PBX1: variants seen among roughly 807,000 people sequenced by gnomAD.
PBX1 encodes pre-B-cell leukemia transcription factor 1.
A neutral mutation model predicts 53.4 loss-of-function variants in PBX1; 6 were observed. The ratio of observed to expected loss-of-function variants is 0.11; its 90% confidence interval spans 0.06 to 0.22. PBX1 has a LOEUF of 0.22. PBX1 is among the 10% of genes least tolerant of loss of function. The pLI is 1.00. For synonymous variants in PBX1, 204 were observed against 212.3 expected (o/e 0.96, Z 0.34); for missense variants, 251 against 551.4 (o/e 0.46, Z 5.46).
At chr1:164,602,709 G>GAAAA (rs113484614) in intron 2 of PBX1, among the ~76,000 whole-genome samples, 3 of 118,254 alleles carry the variant, frequency 2.5e-5, no homozygotes, top group African/African-American at 6.3e-5. Context: ...CAAACAGATT[G>GAAAA]AAAAAAAAAA....
At chr1:164,635,272 G>T (rs553296016) in intron 2 of PBX1, among the ~76,000 whole-genome samples, 4 of 152,068 alleles carry the variant, frequency 2.6e-5, no homozygotes, top group African/African-American at 9.6e-5. Flanking sequence ...TGTGTCATTT[G>T]AATTTGCTGC....
chr1:164,779,580 G>A (rs1404609865), intron 2 of PBX1, among the ~76,000 whole-genome samples: 3 of 152,214 alleles, frequency 2.0e-5, no homozygotes, highest in African/African-American at 7.2e-5. Context: ...TGGCTTCTAA[G>A]ATGACCATAT....
chr1:164,746,394 C>T (rs976988546), intron 2 of PBX1, among the ~76,000 whole-genome samples: 11 of 152,114 alleles, frequency 7.2e-5, no homozygotes, highest in Admixed American at 3.9e-4. Flanking sequence ...TCTTCTTCTT[C>T]AAGATGGAGT....
At chr1:164,845,771 G>A (rs1006851574) in intron 8 of PBX1, among the ~76,000 whole-genome samples, 8 of 152,006 alleles carry the variant, frequency 5.3e-5, no homozygotes, top group Admixed American at 3.3e-4. Flanking sequence ...ATACCTTCCC[G>A]TCTCACCACC....
chr1:164,791,430 CAG>C (rs1668501858), intron 2 of PBX1, among the ~76,000 whole-genome samples: 1 of 152,188 alleles, frequency 6.6e-6, no homozygotes, highest in Non-Finnish European at 1.5e-5. Context: ...TCCAACAGGA[CAG>C]AGTCCTTATC....
chr1:164,685,937 TC>T (rs1403374454), intron 2 of PBX1, among the ~76,000 whole-genome samples: 2 of 152,164 alleles, frequency 1.3e-5, no homozygotes, highest in Admixed American at 6.5e-5. Context: ...AGGTGCCTGT[TC>T]CCCCGTGGTG....
chr1:164,692,344 C>T (rs1021552639), intron 2 of PBX1, among the ~76,000 whole-genome samples: 4 of 152,148 alleles, frequency 2.6e-5, no homozygotes, highest in African/African-American at 9.7e-5. Context: ...TGCTGTCACT[C>T]AGCCCATTGC....
intron 3 of PBX1, among the ~76,000 whole-genome samples, chr1:164,794,313 A>G (rs1404585843): frequency 6.6e-6 from 1 of 152,224 alleles, no homozygotes; most frequent in Admixed American, 6.5e-5. Flanking sequence ...AGAAATAGGC[A>G]TTTTAAAAAT....
chr1:164,811,013 A>G (rs1669582325), intron 5 of PBX1, among the ~76,000 whole-genome samples: 1 of 152,186 alleles, frequency 6.6e-6, no homozygotes, highest in African/African-American at 2.4e-5. Flanking sequence ...CGTCGTTGGG[A>G]GTTAAATATC....
intron 2 of PBX1, among the ~76,000 whole-genome samples, chr1:164,788,394 T>A (rs530913150): frequency 6.6e-6 from 1 of 151,996 alleles, no homozygotes; most frequent in South Asian, 2.1e-4. Context: ...GTGTTTTTTT[T>A]TTTTTTTAAC....
At chr1:164,743,876 T>C (rs1203145119) in intron 2 of PBX1, among the ~76,000 whole-genome samples, 1 of 152,178 alleles carries the variant, frequency 6.6e-6, no homozygotes, top group Non-Finnish European at 1.5e-5. Context: ...TGTACAGTTA[T>C]CCAGAACTTA....
intron 2 of PBX1, among the ~76,000 whole-genome samples, chr1:164,625,009 T>A (rs1657943372): frequency 6.6e-6 from 1 of 152,210 alleles, no homozygotes; most frequent in African/African-American, 2.4e-5. Flanking sequence ...TGTATTTCTA[T>A]AGGGTGGAAA....
chr1:164,702,364 T>C (rs760157039), intron 2 of PBX1, among the ~76,000 whole-genome samples: 11 of 152,186 alleles, frequency 7.2e-5, no homozygotes, highest in Non-Finnish European at 1.5e-5. Context: ...CCAAAGTCAC[T>C]GAGATGTCAT....
At chr1:164,669,680 T>C (rs74117969) in intron 2 of PBX1, among the ~76,000 whole-genome samples, 4,613 of 152,246 alleles carry the variant, frequency 0.03, 108 homozygotes, top group South Asian at 0.056. Flanking sequence ...CAAATCCTCA[T>C]ACTCCTAGGG....
At chr1:164,871,144 C>T (rs1394618141) in intron 2 of PBX1, among the ~76,000 whole-genome samples, 1 of 152,224 alleles carries the variant, frequency 6.6e-6, no homozygotes, top group Non-Finnish European at 1.5e-5. Flanking sequence ...CAGATAACAT[C>T]TTGTTTAGTC....
At chr1:164,626,877 T>C (rs577584223) in intron 2 of PBX1, among the ~76,000 whole-genome samples, 74 of 152,160 alleles carry the variant, frequency 4.9e-4, no homozygotes, top group Non-Finnish European at 9.4e-4. Context: ...ATAATAAAGG[T>C]GGGGAATCTT....
At chr1:164,665,859 G>A (rs1660775418) in intron 2 of PBX1, among the ~76,000 whole-genome samples, 2 of 152,210 alleles carry the variant, frequency 1.3e-5, no homozygotes, top group South Asian at 2.1e-4. Flanking sequence ...CCAAGTGCTG[G>A]TGAGGCTTCA....
intron 2 of PBX1, among the ~76,000 whole-genome samples, chr1:164,725,234 A>G (rs1280492746): frequency 3.9e-5 from 6 of 152,158 alleles, no homozygotes; most frequent in Non-Finnish European, 5.9e-5. Flanking sequence ...GGAGGCCATG[A>G]TACAGACTAA....
In PBX1 at chr1:164,663,160, G is replaced by T. The variant is rs1290695924; in HGVS notation, c.265+99849G>T. The stretch of plus-strand genomic sequence containing the variant: ...TACCTTTCTGCCTGCCTTCTTGCCT[G>T]CCTGCCTTCCTTCCTGCCTTCCTTC... On this transcript the variant is annotated intron_variant, in intron 2 of 8. Coordinates refer to ENST00000420696, the MANE Select transcript of PBX1 (RefSeq NM_002585.4). Among the ~76,000 whole-genome samples, 625 of 143,366 alleles carry T rather than the reference G, an allele frequency of 4.4e-3. 5 individuals are homozygous for T. The highest frequency in any genetic ancestry group is 0.015 in the African/African-American group (586 of 39,564). The allele number at this position is 143,366 out of a possible 152,430, so 94.1% of individuals were successfully genotyped here.
Sources: allele counts gnomAD v4.1 joint callset (sites outside exome capture counted in the v4.1 genomes callset), GRCh38; gene constraint gnomAD v4.1.1; transcripts MANE v1.5; gene names NCBI Gene and HGNC (gene_info 2026-07-23, HGNC 2026-07-21).